The following PLA2R1 variants were observed in gnomAD, a reference collection of about 807,000 sequenced individuals.
The protein encoded by PLA2R1 is secretory phospholipase A2 receptor.
In PLA2R1, 158 loss-of-function variants were observed where a neutral mutation model predicts 195.9. That is an observed-to-expected ratio of 0.81 (90% confidence interval 0.71 to 0.92). The LOEUF (loss-of-function observed/expected upper bound fraction) is 0.92. Among genes scored for constraint, PLA2R1 ranks in the 40% least tolerant of loss-of-function variants. The probability of loss-of-function intolerance (pLI) is 0.00; values close to 1 mark genes in which losing one functional copy is unlikely to be tolerated. For missense variants in PLA2R1, 1,626 were observed against 1,764.6 expected, an observed-to-expected ratio of 0.92 and a Z score of 1.41; for synonymous variants, 586 against 598.2, an observed-to-expected ratio of 0.98 and a Z score of 0.30.
chr2:159,991,054 G>A (rs1443806129), intron 11 of PLA2R1, among the ~76,000 whole-genome samples: 4 of 152,224 alleles, frequency 2.6e-5, no homozygotes, highest in African/African-American at 9.6e-5. Flanking sequence ...TTTGAAACCA[G>A]ATGTATTTGG....
In PLA2R1 at chr2:159,984,190, T is replaced by A. The variant is rs145740013; in HGVS notation, c.2038-117A>T. On this transcript the variant is annotated intron_variant, in intron 12 of 29. Transcript: ENST00000283243. ...TCATCATTATTATTTATAAAGAGCTTGATCTAGTGGGAGGAAGTAATATTT... is the reference window on the plus strand; with the variant it reads ...TCATCATTATTATTTATAAAGAGCTAGATCTAGTGGGAGGAAGTAATATTT... 576 of 521,760 alleles carry A rather than the reference T, an allele frequency of 1.1e-3. 1 individual carries two copies. The highest frequency in any genetic ancestry group is 9.8e-3 in the African/African-American group (518 of 52,648). The allele number at this position is 521,760 out of a possible 1,614,324, so 32.3% of individuals were successfully genotyped here. A position where few individuals can be genotyped will look rare whatever the true frequency, so the allele number is the denominator to read the frequency against.
intron 7 of PLA2R1, among the ~76,000 whole-genome samples, chr2:160,020,591 T>A (rs1208989783): frequency 6.6e-6 from 1 of 152,070 alleles, no homozygotes; most frequent in Non-Finnish European, 1.5e-5. Context: ...TAACTAGTTC[T>A]CATGGGAATG....
rs771431450 is a variant in PLA2R1, at chr2:160,016,625, C to T, written c.1540G>A (p.Gly514Arg). ...TTAACAGCACTTACCTCTTGACATC[C>T]TGATTCAGCATCAGAGAGGACATGG... ...AGHVLSDAES[G>R]CQEGWERHGG... is the part of the protein sequence containing the mutation. Residue 514 changes from glycine to arginine, a missense_variant, in exon 9 of 30, where the codon GGA becomes AGA. Transcript: ENST00000283243. 6.3e-7 allele frequency: 1 copy of T among 1,580,972 alleles called. No homozygotes were observed.
intron 5 of PLA2R1, among the ~76,000 whole-genome samples, 156 bp downstream of exon 5, chr2:160,028,694 T>A (rs1278399334): frequency 6.6e-6 from 1 of 152,220 alleles, no homozygotes; most frequent in African/African-American, 2.4e-5. Flanking sequence ...CCCTATTTTC[T>A]TGTTTGGAAA....
At chr2:159,925,188 TA>T in the PLA2R1 span, among the ~76,000 whole-genome samples, 59,720 of 150,330 alleles carry the variant, frequency 0.4, 14,812 homozygotes, top group Non-Finnish European at 0.55. Flanking sequence ...ACGTCAGTTA[TA>T]AAAAAAAACA....
chr2:160,028,141 A>C (rs1693634939), intron 6 of PLA2R1, 77 bp downstream of exon 6: 12 of 989,966 alleles, frequency 1.2e-5, no homozygotes, highest in Non-Finnish European at 1.8e-5. Context: ...AATTATTAGC[A>C]AAAAATAGAG....
intron 3 of PLA2R1, among the ~76,000 whole-genome samples, chr2:160,040,002 T>G (rs1272404268): frequency 6.6e-6 from 1 of 152,098 alleles, no homozygotes; most frequent in Non-Finnish European, 1.5e-5. Flanking sequence ...GTGTTAACTT[T>G]ATTAGTATTG....
intron 11 of PLA2R1, among the ~76,000 whole-genome samples, chr2:159,994,765 A>C (rs1356575643): frequency 3.3e-5 from 5 of 152,042 alleles, no homozygotes; most frequent in Non-Finnish European, 5.9e-5. Context: ...TGGTAATACT[A>C]TTTGATAAAC....
chr2:159,971,381 C>T (rs1362468361), intron 17 of PLA2R1, among the ~76,000 whole-genome samples: 4 of 152,072 alleles, frequency 2.6e-5, no homozygotes, highest in East Asian at 3.9e-4. Flanking sequence ...TTACATTTTA[C>T]TAATTTTATA....
chr2:159,989,548 A>G (rs772253704), intron 11 of PLA2R1, among the ~76,000 whole-genome samples: 2 of 152,242 alleles, frequency 1.3e-5, no homozygotes, highest in African/African-American at 2.4e-5. Context: ...TTCTAGTCTC[A>G]GCACAAATCT....
At chr2:159,969,786 G>A (rs186130268) in intron 18 of PLA2R1, among the ~76,000 whole-genome samples, 90 of 152,208 alleles carry the variant, frequency 5.9e-4, no homozygotes, top group African/African-American at 1.9e-3. Context: ...CAGGCGATCC[G>A]CCCTCCTTGG....
intron 4 of PLA2R1, among the ~76,000 whole-genome samples, 163 bp downstream of exon 4, chr2:160,032,782 CCAAATGGAATCACT>C (rs1003365208): frequency 6.6e-6 from 1 of 152,026 alleles, no homozygotes; most frequent in Admixed American, 6.6e-5. Context: ...TCACTGGATG[CCAAATGGAATCACT>C]CAAGGTTCAT....
chr2:160,045,782 G>A (rs1165207262), intron 1 of PLA2R1, among the ~76,000 whole-genome samples: 2 of 152,296 alleles, frequency 1.3e-5, no homozygotes, highest in East Asian at 3.9e-4. Flanking sequence ...GTAGGAGATG[G>A]CTTGCTGGGT....
chr2:159,965,321 A>C (rs745965382), intron 20 of PLA2R1, among the ~76,000 whole-genome samples: 6 of 152,136 alleles, frequency 3.9e-5, no homozygotes, highest in Non-Finnish European at 7.3e-5. Context: ...TCCCTGCAAC[A>C]CCTGGCAACC....
At chr2:160,036,101 T>C (rs1196267034) in intron 3 of PLA2R1, among the ~76,000 whole-genome samples, 1 of 152,168 alleles carries the variant, frequency 6.6e-6, no homozygotes, top group Non-Finnish European at 1.5e-5. Context: ...CCTTCCTTTC[T>C]ATTCTATACA....
intron 2 of PLA2R1, among the ~76,000 whole-genome samples, chr2:160,043,206 G>T (rs1317346720): frequency 2.0e-5 from 3 of 152,064 alleles, no homozygotes; most frequent in Non-Finnish European, 4.4e-5. Flanking sequence ...GGTTTTGAAT[G>T]GGAAAGTGAC....
At chr2:160,013,419 G>T in intron 9 of PLA2R1, 44 bp from the exon 10 acceptor site, 1 of 1,132,452 alleles carries the variant, frequency 8.8e-7, no homozygotes, top group Non-Finnish European at 1.3e-6. Flanking sequence ...ATCTCATTTA[G>T]TTAAATACCA....
intron 9 of PLA2R1, among the ~76,000 whole-genome samples, chr2:160,015,059 A>G (rs1461961143): frequency 6.6e-6 from 1 of 152,242 alleles, no homozygotes; most frequent in Admixed American, 6.5e-5. Context: ...AAGATCTGGC[A>G]TAGAATAATC....
At position 159,935,945 on chromosome 2, in the gene PLA2R1, A is replaced by ATTTTTTTTTTTTTTTTTTTTTTT. The variant is rs56240008; in HGVS notation, c.*5810_*5832dup. ...GCAGTAAAAATATGTATATAAATTAATTTTTTTTTTTTTTTTTTTTTTTTG... is the reference window on the plus strand; with the variant it reads ...GCAGTAAAAATATGTATATAAATTAATTTTTTTTTTTTTTTTTTTTTTTTTTTTTTTTTTTTTTTTTTTTTTTG... On this transcript the variant is annotated 3_prime_UTR_variant, in exon 30 of 30. Transcript: ENST00000283243. 2.3e-4 allele frequency: 25 copies of ATTTTTTTTTTTTTTTTTTTTTTT among 107,228 alleles called. 2 individuals carry two copies. Among genetic ancestry groups the ATTTTTTTTTTTTTTTTTTTTTTT allele is most frequent in the East Asian group, 2.1e-3 (7 of 3,286 alleles). 6.6% of individuals were successfully genotyped at this position (107,228 alleles called of 1,614,324 possible).
Sources: gnomAD v4.1 joint callset for allele counts (sites outside exome capture counted in the v4.1 genomes callset) on GRCh38, gnomAD v4.1.1 for gene constraint, MANE v1.5 for transcripts, NCBI Gene and HGNC (gene_info 2026-07-23, HGNC 2026-07-21) for gene names.